The following MAP2K5 variants were observed in gnomAD, a reference collection of about 807,000 sequenced individuals.
MAP2K5 encodes the protein mitogen-activated protein kinase kinase 5, also known as dual specificity mitogen-activated protein kinase kinase 5.
A neutral mutation model predicts 83.1 loss-of-function variants in MAP2K5; 49 were observed. That is an observed-to-expected ratio of 0.59 (90% CI 0.47 to 0.75). MAP2K5 has a LOEUF of 0.75. MAP2K5 is among the 30% of genes least tolerant of loss of function. MAP2K5 has a pLI of 0.00. For missense variants in MAP2K5, 457 were observed against 557.5 expected (o/e 0.82, Z 1.82); for synonymous variants, 202 against 191.8 (o/e 1.05, Z -0.44).
chr15:67,705,949 A>G (rs575821945), intron 16 of MAP2K5, among the ~76,000 whole-genome samples: 2 of 152,260 alleles, frequency 1.3e-5, no homozygotes, highest in East Asian at 3.9e-4. Flanking sequence ...ATAAATTTAG[A>G]GAGGTAGCCA....
At chr15:67,626,920 A>G (rs1396613849) in intron 8 of MAP2K5, among the ~76,000 whole-genome samples, 2 of 151,938 alleles carry the variant, frequency 1.3e-5, no homozygotes, top group South Asian at 2.1e-4. Context: ...ATAATAATTG[A>G]TTAAGTTTTA....
chr15:67,658,513 T>TA (rs752282764), intron 11 of MAP2K5, 40 bp from the exon 12 acceptor site: 59 of 1,499,344 alleles, frequency 3.9e-5, no homozygotes, highest in Non-Finnish European at 5.5e-5. Flanking sequence ...ATTGTTCTGG[T>TA]AATTTCATTT....
intron 7 of MAP2K5, among the ~76,000 whole-genome samples, chr15:67,597,446 G>C (rs913761089): frequency 2.6e-5 from 4 of 152,162 alleles, no homozygotes; most frequent in African/African-American, 9.7e-5. Flanking sequence ...TATACTGAAA[G>C]ACTGAGTTTT....
At chr15:67,646,202 A>G (rs776099920) in intron 9 of MAP2K5, 29 bp from the exon 10 acceptor site, 1 of 955,592 alleles carries the variant, frequency 1.0e-6, no homozygotes, top group Non-Finnish European at 1.6e-6. Context: ...TTAGAAGATT[A>G]AAAAATATTA....
intron 19 of MAP2K5, among the ~76,000 whole-genome samples, chr15:67,751,185 A>G (rs2048742186): frequency 6.6e-6 from 1 of 152,116 alleles, no homozygotes; most frequent in Non-Finnish European, 1.5e-5. Context: ...GTCCAAACAG[A>G]AGACACCAAA....
intron 21 of MAP2K5, among the ~76,000 whole-genome samples, chr15:67,776,354 T>G (rs2090238473): frequency 6.6e-6 from 1 of 152,010 alleles, no homozygotes. Flanking sequence ...CCAACAAACT[T>G]AGGGACAAAT....
chr15:67,704,708 G>A (rs2141217387), intron 16 of MAP2K5, among the ~76,000 whole-genome samples: 1 of 152,306 alleles, frequency 6.6e-6, no homozygotes, highest in East Asian at 1.9e-4. Flanking sequence ...TCTCAGAACT[G>A]AGTCTCCCAA....
chr15:67,619,399 T>C (rs149228815), intron 8 of MAP2K5, among the ~76,000 whole-genome samples: 137 of 152,324 alleles, frequency 9.0e-4, no homozygotes, highest in African/African-American at 3.2e-3. Context: ...TTGGTCTCAT[T>C]TGTTCTCTGC....
At chr15:67,657,722 A>T (rs982915171) in intron 11 of MAP2K5, among the ~76,000 whole-genome samples, 1 of 141,854 alleles carries the variant, frequency 7.0e-6, no homozygotes, top group South Asian at 2.1e-4. Flanking sequence ...GCCAGTAGCC[A>T]TATATATATA....
At chr15:67,763,764 G>C (rs369203102) in intron 19 of MAP2K5, among the ~76,000 whole-genome samples, 9 of 152,214 alleles carry the variant, frequency 5.9e-5, no homozygotes, top group Non-Finnish European at 8.8e-5. Context: ...TGGAGGATCA[G>C]AAACCAATTT....
intron 19 of MAP2K5, among the ~76,000 whole-genome samples, chr15:67,759,559 C>A (rs370294486): frequency 1.5e-3 from 215 of 141,258 alleles, no homozygotes; most frequent in South Asian, 2.3e-3. Flanking sequence ...GACTGTGTCT[C>A]AAAAAAAAAA....
At chr15:67,697,650 C>CT (rs2088299884) in intron 15 of MAP2K5, among the ~76,000 whole-genome samples, 2 of 152,198 alleles carry the variant, frequency 1.3e-5, no homozygotes, top group Admixed American at 1.3e-4. Context: ...GTGTCTTGTT[C>CT]TCTAATTATA....
In MAP2K5 at chr15:67,793,963, T is replaced by C. The variant is rs772468470; in HGVS notation, c.1243-12683T>C. 2.6e-5 allele frequency among the ~76,000 whole-genome samples: 4 copies of C among 152,200 alleles called. No homozygotes were observed. Among genetic ancestry groups the C allele is most frequent in the Non-Finnish European group, 5.9e-5 (4 of 68,038 alleles). On this transcript the variant is annotated intron_variant, in intron 21 of 21. Transcript: ENST00000178640. This position sits in a 1 kb window ranked among gnomAD's most constrained non-coding sequence, Gnocchi z 4.6. ...CTCCACACATCCATAGTGAATCTTA[T>C]TGAATTAAAGACCCTTGGTAAAATA...
At position 67,686,478 on chromosome 15, in the gene MAP2K5, G is replaced by A. The variant is rs371376180; in HGVS notation, c.848-6001G>A. On this transcript the variant is annotated intron_variant, in intron 13 of 21. Coordinates refer to ENST00000178640, the MANE Select transcript of MAP2K5 (RefSeq NM_145160.3). ...AAAAACTAGCTGGGGGTGGTGGCAG[G>A]CGCCTGTAATCCTGGCTACTCAGGA... 7.1e-4 allele frequency among the ~76,000 whole-genome samples: 108 copies of A among 151,910 alleles called. 1 individual carries two copies. Among genetic ancestry groups the A allele is most frequent in the East Asian group, 7.0e-3 (36 of 5,154 alleles).
Position 67,563,247 on chromosome 15 carries a change from C to T in MAP2K5, c.185-36C>T, listed in dbSNP as rs1310791742. ...GTTCCCTTTGTGCATTAAACAAATGCACACCTTATCATTTGCATTATGTGC... is the reference window on the plus strand; with the variant it reads ...GTTCCCTTTGTGCATTAAACAAATGTACACCTTATCATTTGCATTATGTGC... On this transcript the variant is annotated intron_variant, in intron 2 of 21. Transcript: ENST00000178640. The surrounding 1 kb of genome is among the most constrained non-coding windows in gnomAD (Gnocchi z 4.5). 3 of 1,597,718 alleles carry T rather than the reference C, an allele frequency of 1.9e-6. No individual in the cohort carries two copies. Among genetic ancestry groups the T allele is most frequent in the Non-Finnish European group, 2.6e-6 (3 of 1,174,650 alleles).
At chr15:67,730,245 A>C (rs1387535600) in intron 17 of MAP2K5, among the ~76,000 whole-genome samples, 1 of 152,212 alleles carries the variant, frequency 6.6e-6, no homozygotes, top group Admixed American at 6.5e-5. Context: ...AAAAAAGCAC[A>C]TGAAGAAAAA....
intron 16 of MAP2K5, among the ~76,000 whole-genome samples, chr15:67,710,751 G>A (rs1308995971): frequency 2.6e-5 from 4 of 152,164 alleles, no homozygotes; most frequent in East Asian, 1.9e-4. Context: ...TGATCCACCC[G>A]CCTTGGCCTC....
rs905495887 is a variant in MAP2K5, at chr15:67,559,304, G to A, written c.185-3979G>A. On this transcript the variant is annotated intron_variant, in intron 2 of 21. Transcript: ENST00000178640. The surrounding 1 kb of genome is among the most constrained non-coding windows in gnomAD (Gnocchi z 4.7). Reference sequence around the variant, plus strand: ...GATTGTTTCTCTTGAAAGCCTTCTTGAGCCCCTGTCACTGCAGTGGGTGCT... The same window carrying A: ...GATTGTTTCTCTTGAAAGCCTTCTTAAGCCCCTGTCACTGCAGTGGGTGCT... 1.3e-5 allele frequency among the ~76,000 whole-genome samples: 2 copies of A among 152,094 alleles called. No homozygotes were observed. Among genetic ancestry groups the A allele is most frequent in the Non-Finnish European group, 2.9e-5 (2 of 68,014 alleles).
intron 13 of MAP2K5, among the ~76,000 whole-genome samples, chr15:67,685,705 C>T (rs752738518): frequency 1.3e-5 from 2 of 151,850 alleles, no homozygotes; most frequent in Non-Finnish European, 2.9e-5. Flanking sequence ...AATGAAATAC[C>T]CTAATATTAC....
Sources: allele counts gnomAD v4.1 joint callset (sites outside exome capture counted in the v4.1 genomes callset), GRCh38; gene constraint gnomAD v4.1.1; non-coding constraint Gnocchi (gnomAD v3.1); transcripts MANE v1.5; gene names NCBI Gene and HGNC (gene_info 2026-07-23, HGNC 2026-07-21).